The following SLC9A9 variants were observed in gnomAD, a reference collection of about 807,000 sequenced individuals.
SLC9A9 encodes the protein solute carrier family 9 member A9.
SLC9A9 carries 62 observed loss-of-function variants against 77.8 expected under a neutral mutation model. The ratio of observed to expected loss-of-function variants is 0.80; its 90% confidence interval spans 0.65 to 0.98. SLC9A9 has a LOEUF of 0.98. Ranked by LOEUF, SLC9A9 falls within the 50% of genes least tolerant of loss-of-function variation. The pLI, the probability that SLC9A9 is intolerant of heterozygous loss-of-function variation, is 0.00. For missense variants in SLC9A9, 775 were observed against 774.9 expected (o/e 1.00, Z 0.00); for synonymous variants, 320 against 283.5 (o/e 1.13, Z -1.29).
intron 9 of SLC9A9, among the ~76,000 whole-genome samples, chr3:143,501,824 A>G (rs2108597104): frequency 6.6e-6 from 1 of 150,882 alleles, no homozygotes. Flanking sequence ...GGCAAATTCA[A>G]TTTTGTTTCA....
At chr3:143,468,523 A>T (rs2108570574) in intron 11 of SLC9A9, among the ~76,000 whole-genome samples, 1 of 152,290 alleles carries the variant, frequency 6.6e-6, no homozygotes, top group Non-Finnish European at 1.5e-5. Context: ...GATTCTGCCC[A>T]CCTTATTTCT....
chr3:143,709,157 T>A (rs901993120), intron 4 of SLC9A9, among the ~76,000 whole-genome samples: 2 of 152,184 alleles, frequency 1.3e-5, no homozygotes, highest in Admixed American at 6.5e-5. Flanking sequence ...TTCTACTATG[T>A]ATTGCTATAT....
At chr3:143,840,028 T>C (rs1007868344) in intron 1 of SLC9A9, among the ~76,000 whole-genome samples, 9 of 152,124 alleles carry the variant, frequency 5.9e-5, no homozygotes, top group African/African-American at 2.2e-4. Flanking sequence ...GGCACTATAT[T>C]TCAAGTTTAT....
chr3:143,545,060 C>T (rs190578299), intron 9 of SLC9A9, among the ~76,000 whole-genome samples: 1 of 152,210 alleles, frequency 6.6e-6, no homozygotes, highest in African/African-American at 2.4e-5. Flanking sequence ...AATACTGTTT[C>T]GGTTACTGTA....
chr3:143,489,457 AC>A, intron 11 of SLC9A9, among the ~76,000 whole-genome samples: 1 of 152,060 alleles, frequency 6.6e-6, no homozygotes, highest in East Asian at 1.9e-4. Flanking sequence ...AAGCAGAAAG[AC>A]CCATATTTCC....
intron 12 of SLC9A9, among the ~76,000 whole-genome samples, chr3:143,408,168 C>A (rs2034020450): frequency 6.6e-6 from 1 of 152,180 alleles, no homozygotes; most frequent in Admixed American, 6.5e-5. Context: ...TGTTTATAAG[C>A]CCTATCTTTA....
intron 11 of SLC9A9, among the ~76,000 whole-genome samples, chr3:143,481,989 A>G (rs935564016): frequency 6.6e-6 from 1 of 152,174 alleles, no homozygotes; most frequent in Non-Finnish European, 1.5e-5. Flanking sequence ...CAAAGTGTCA[A>G]ATTGGATTCT....
chr3:143,712,918 T>C (rs942772909), intron 4 of SLC9A9, among the ~76,000 whole-genome samples: 12 of 152,186 alleles, frequency 7.9e-5, no homozygotes, highest in Non-Finnish European at 8.8e-5. Context: ...ATCTTGGGAA[T>C]TTATGGGTGG....
intron 9 of SLC9A9, among the ~76,000 whole-genome samples, chr3:143,499,078 T>A (rs1188955394): frequency 6.6e-6 from 1 of 152,304 alleles, no homozygotes; most frequent in South Asian, 2.1e-4. Context: ...TGCACTCCAA[T>A]CAGCAATTCT....
intron 6 of SLC9A9, among the ~76,000 whole-genome samples, chr3:143,589,957 G>GA (rs11301982): frequency 2.6e-5 from 4 of 151,886 alleles, no homozygotes; most frequent in Admixed American, 1.3e-4. Context: ...TAATTTGCAA[G>GA]AAAAAAAATT....
intron 14 of SLC9A9, among the ~76,000 whole-genome samples, chr3:143,273,536 T>C (rs901094212): frequency 6.6e-6 from 1 of 152,168 alleles, no homozygotes; most frequent in African/African-American, 2.4e-5. Context: ...ACCACTCTAT[T>C]CTTCCAGCCT....
At chr3:143,382,255 A>G (rs1379176968) in intron 12 of SLC9A9, 141 bp from the exon 13 acceptor site, 8 of 864,842 alleles carry the variant, frequency 9.3e-6, no homozygotes, top group Non-Finnish European at 1.6e-5. Context: ...TTCTTGAATC[A>G]AAAGAACCTC....
intron 12 of SLC9A9, among the ~76,000 whole-genome samples, chr3:143,447,127 A>C (rs2034861150): frequency 6.6e-6 from 1 of 152,182 alleles, no homozygotes; most frequent in South Asian, 2.1e-4. Context: ...CGAAGTTATA[A>C]AGTTGTTATT....
chr3:143,628,906 T>C (rs1341807835), intron 6 of SLC9A9, among the ~76,000 whole-genome samples: 1 of 152,230 alleles, frequency 6.6e-6, no homozygotes, highest in East Asian at 1.9e-4. Flanking sequence ...TCAAAACTTC[T>C]TATTGAGCAA....
chr3:143,779,336 T>C (rs888691450), intron 4 of SLC9A9, among the ~76,000 whole-genome samples: 4 of 152,160 alleles, frequency 2.6e-5, no homozygotes, highest in African/African-American at 7.2e-5. Flanking sequence ...TTTGAAAAAG[T>C]AATTTAACTT....
chr3:143,272,693 C>A (rs765531241), intron 14 of SLC9A9, among the ~76,000 whole-genome samples: 8 of 152,068 alleles, frequency 5.3e-5, no homozygotes, highest in African/African-American at 1.4e-4. Context: ...AAAAACCCAA[C>A]GGCAGATTTT....
intron 12 of SLC9A9, among the ~76,000 whole-genome samples, chr3:143,415,061 G>A (rs1328515108): frequency 6.6e-6 from 1 of 152,222 alleles, no homozygotes; most frequent in African/African-American, 2.4e-5. Flanking sequence ...ATTCCCTTGA[G>A]CCAAGGCCTA....
At chr3:143,781,121 C>T (rs1325804543) in intron 4 of SLC9A9, among the ~76,000 whole-genome samples, 1 of 152,152 alleles carries the variant, frequency 6.6e-6, no homozygotes, top group Non-Finnish European at 1.5e-5. Context: ...AATATTGGTA[C>T]ATTATTACTA....
chr3:143,348,307 G>A (rs1230468394), intron 14 of SLC9A9, among the ~76,000 whole-genome samples: 2 of 152,170 alleles, frequency 1.3e-5, no homozygotes, highest in African/African-American at 4.8e-5. Flanking sequence ...AAGTTAAGCA[G>A]CTATTGATGG....
Sources: gnomAD v4.1 joint callset for allele counts (sites outside exome capture counted in the v4.1 genomes callset) on GRCh38, gnomAD v4.1.1 for gene constraint, MANE v1.5 for transcripts, NCBI Gene and HGNC (gene_info 2026-07-23, HGNC 2026-07-21) for gene names.